Variants in CHD3 observed in about 807,000 individuals in gnomAD.
CHD3 encodes chromodomain helicase DNA binding protein 3.
A neutral mutation model predicts 248.9 loss-of-function variants in CHD3; 52 were observed. That is an observed-to-expected ratio of 0.21 (90% confidence interval 0.17 to 0.26). The LOEUF (loss-of-function observed/expected upper bound fraction) is 0.26. Ranked by LOEUF, CHD3 falls within the 10% of genes least tolerant of loss-of-function variation. The probability of loss-of-function intolerance (pLI) is 1.00; values close to 1 mark genes in which losing one functional copy is unlikely to be tolerated. For missense variants in CHD3, 1,482 were observed against 2,605.8 expected (o/e 0.57, Z 9.39); for synonymous variants, 985 against 985.2 (o/e 1.00, Z 0.00).
rs752695969 is a variant in CHD3 at position 7,903,070 on chromosome 17, T to G, written c.3495+9T>G. The G allele has an allele frequency of 6.2e-7, 1 of 1,612,124 alleles. No individual in the cohort carries two copies. Among genetic ancestry groups the G allele is most frequent in the Non-Finnish European group, 8.5e-7 (1 of 1,178,476 alleles). On this transcript the variant is annotated intron_variant, in intron 22 of 39. Transcript: ENST00000330494. The surrounding 1 kb of genome is among the most constrained non-coding windows in gnomAD (Gnocchi z 6.8). ...CCCATAATGACATCCAGGTGGGAACTCGCATCCTAGAACCCCTGCACCATT... is the reference window on the plus strand; with the variant it reads ...CCCATAATGACATCCAGGTGGGAACGCGCATCCTAGAACCCCTGCACCATT...
At chr17:7,898,635 T>C in intron 13 of CHD3, 40 bp downstream of exon 13, 1 of 1,518,694 alleles carries the variant, frequency 6.6e-7, no homozygotes, top group East Asian at 2.3e-5. Context: ...TCTGGAGTGA[T>C]GGTGATCGAA....
chr17:7,902,559 A>G (rs1387614041), intron 20 of CHD3, 51 bp from the exon 21 acceptor site: 1 of 1,221,408 alleles, frequency 8.2e-7, no homozygotes, highest in Admixed American at 1.7e-5. Context: ...AGAATAAGCA[A>G]GCATCCCACC....
At chr17:7,891,086 C>T in intron 4 of CHD3, 22 bp downstream of exon 4, 1 of 1,611,626 alleles carries the variant, frequency 6.2e-7, no homozygotes, top group South Asian at 1.1e-5. Context: ...CTGGGGAATC[C>T]TCGCTAATTG....
Position 7,903,225 on chromosome 17 carries a change from C to T in CHD3, c.3496-47C>T, listed in dbSNP as rs1970522972. The T allele has an allele frequency of 1.9e-6, 3 of 1,596,616 alleles. No homozygotes were observed. The highest frequency in any genetic ancestry group is 4.5e-5 in the East Asian group (2 of 44,672). ...GAGGCAGCTCTATGGGCAGCTTCTC[C>T]CCGGCCACTCCCCTGACCCACCCGC... is the stretch of plus-strand genomic sequence containing the variant. On this transcript the variant is annotated intron_variant, in intron 22 of 39. Transcript: ENST00000330494. The surrounding 1 kb of genome is among the most constrained non-coding windows in gnomAD (Gnocchi z 6.8).
chr17:7,905,204 G>A lies in CHD3; in HGVS notation c.4138+39G>A, dbSNP rs766638046. 36 of 1,589,910 alleles carry A rather than the reference G, an allele frequency of 2.3e-5. No individual in the cohort carries two copies. Among genetic ancestry groups the A allele is most frequent in the East Asian group, 1.8e-4 (8 of 44,778 alleles). On this transcript the variant is annotated intron_variant, in intron 26 of 39. Transcript: ENST00000330494. The surrounding 1 kb of genome is among the most constrained non-coding windows in gnomAD (Gnocchi z 5.8). Reference sequence around the variant, plus strand: ...TCCTGACTCTACCTCACCTCTTCCCGTTTTATTTTCCAGTTTGCTTTAAGC... The same window carrying A: ...TCCTGACTCTACCTCACCTCTTCCCATTTTATTTTCCAGTTTGCTTTAAGC...
chr17:7,895,595 T>C lies in CHD3; in HGVS notation c.1707+53T>C, dbSNP rs571634335. On this transcript the variant is annotated intron_variant, in intron 10 of 39. Transcript: ENST00000330494. This position sits in a 1 kb window ranked among gnomAD's most constrained non-coding sequence, Gnocchi z 4.9. ...CCCATGACCTCATTTCCTGCCATCC[T>C]CTCCCTCTCTTACTCCTCTGTTTGT... is the stretch of plus-strand genomic sequence containing the variant. The C allele has an allele frequency of 1.3e-5, 19 of 1,475,536 alleles. No homozygotes were observed. In the East Asian group the frequency reaches 1.4e-4, roughly 11 times the overall value. 91.4% of individuals were successfully genotyped at this position (1,475,536 alleles called of 1,614,324 possible). A position where few individuals can be genotyped will look rare whatever the true frequency, so the allele number is the denominator to read the frequency against.
chr17:7,902,604 C>A lies in CHD3; in HGVS notation c.3253-6C>A. 6.3e-7 allele frequency: 1 copy of A among 1,598,322 alleles called. No homozygotes were observed. On this transcript the variant is annotated splice_polypyrimidine_tract_variant and splice_region_variant and intron_variant, in intron 20 of 39. Coordinates refer to ENST00000330494, the MANE Select transcript of CHD3 (RefSeq NM_001005273.3). ...TTGCAGACTCCATCCTTTTCTCTTG[C>A]TCTAGATGACCAAAATGTTAGACTT... is the stretch of plus-strand genomic sequence containing the variant.
At position 7,889,224 on chromosome 17, in the gene CHD3, G is replaced by C. The variant is rs1018922294; in HGVS notation, c.100+124G>C. On this transcript the variant is annotated intron_variant, in intron 1 of 39. Coordinates refer to ENST00000330494, the MANE Select transcript of CHD3 (RefSeq NM_001005273.3). The surrounding 1 kb of genome is among the most constrained non-coding windows in gnomAD (Gnocchi z 4.5). ...CTCTCCCTCCCCAGCATCTGGCTTA[G>C]GGAGCTGCCAGCTTGTGTCTCCCCA... is the stretch of plus-strand genomic sequence containing the variant. The C allele has an allele frequency of 5.7e-6, 7 of 1,228,170 alleles. No homozygotes were observed. In the African/African-American group the frequency reaches 1.1e-4, roughly 18 times the overall value. 76.1% of individuals were successfully genotyped at this position (1,228,170 alleles called of 1,614,324 possible).
At chr17:7,902,849 A>G in intron 21 of CHD3, 88 bp from the exon 22 acceptor site, 5 of 1,586,162 alleles carry the variant, frequency 3.2e-6, no homozygotes, top group Non-Finnish European at 4.3e-6. Context: ...AGTTGGGGGC[A>G]TGGTTGTTTG....
Position 7,897,309 on chromosome 17 carries a change from C to T in CHD3, c.1919+15C>T. The T allele has an allele frequency of 6.2e-7, 1 of 1,608,912 alleles. No individual in the cohort carries two copies. Among genetic ancestry groups the T allele is most frequent in the Non-Finnish European group, 8.5e-7 (1 of 1,176,970 alleles). The stretch of plus-strand genomic sequence containing the variant: ...ATCAACCACAGGTGAATCCTCGGTC[C>T]CTGGGAAGTCAGACCTGGTATATGA... On this transcript the variant is annotated intron_variant, in intron 11 of 39. Coordinates refer to ENST00000330494, the MANE Select transcript of CHD3 (RefSeq NM_001005273.3). This position sits in a 1 kb window ranked among gnomAD's most constrained non-coding sequence, Gnocchi z 4.8.
upstream of CHD3, among the ~76,000 whole-genome samples, chr17:7,887,619 A>G (rs1968167705): frequency 6.6e-6 from 1 of 152,172 alleles, no homozygotes; most frequent in Admixed American, 6.5e-5. Context: ...GGAATTTGAG[A>G]AAAAATAAAT....
chr17:7,885,021 T>G (rs1308450695), upstream of CHD3: 3 of 1,203,110 alleles, frequency 2.5e-6, no homozygotes, highest in South Asian at 1.2e-4. Context: ...GGCTGCCACC[T>G]CTTCCCGCCG....
Position 7,888,993 on chromosome 17 carries a change from C to T in CHD3, c.-8C>T, listed in dbSNP as rs748896554. 42 of 1,614,008 alleles carry T rather than the reference C, an allele frequency of 2.6e-5. No homozygotes were observed. Among genetic ancestry groups the T allele is most frequent in the Non-Finnish European group, 1.7e-6 (2 of 1,180,016 alleles). On this transcript the variant is annotated 5_prime_UTR_variant, in exon 1 of 40. Transcript: ENST00000330494. ...ATTTAGGTAATTGTGGAGACTTTCT[C>T]CTGTGTGATGAAGGCGGCAGACACT...
chr17:7,906,223 G>A lies in CHD3; in HGVS notation c.4358+234G>A. On this transcript the variant is annotated intron_variant, in intron 28 of 39. Coordinates refer to ENST00000330494, the MANE Select transcript of CHD3 (RefSeq NM_001005273.3). This position sits in a 1 kb window ranked among gnomAD's most constrained non-coding sequence, Gnocchi z 5.0. ...TCCTCCCCAGGGGAGGGGCGTTGAA[G>A]CAAGGAGCCTCTCCTGGGCTGTCCT... 1.3e-6 allele frequency: 1 copy of A among 773,496 alleles called. No homozygotes were observed. The highest frequency in any genetic ancestry group is 2.3e-6 in the Non-Finnish European group (1 of 429,636). 47.9% of individuals were successfully genotyped at this position (773,496 alleles called of 1,614,324 possible). A position where few individuals can be genotyped will look rare whatever the true frequency, so the allele number is the denominator to read the frequency against.
At position 7,911,039 on chromosome 17, in the gene CHD3, A is replaced by G; in HGVS notation, c.5881+66A>G. On this transcript the variant is annotated intron_variant, in intron 39 of 39. Coordinates refer to ENST00000330494, the MANE Select transcript of CHD3 (RefSeq NM_001005273.3). The surrounding 1 kb of genome is among the most constrained non-coding windows in gnomAD (Gnocchi z 5.4). ...CCTTTGCCAAACTTTATTTCTGCTC[A>G]GCTGCCCTTTAACTGCTCTAGTCCA... 1.9e-6 allele frequency: 3 copies of G among 1,600,570 alleles called. No individual in the cohort carries two copies. In the South Asian group the frequency reaches 3.3e-5, roughly 18 times the overall value.
rs749680912 is a variant in CHD3 at position 7,894,949 on chromosome 17, GGAA to G, written c.1312_1314del (p.Glu438del). The G allele has an allele frequency of 1.3e-5, 21 of 1,612,942 alleles. No homozygotes were observed. The highest frequency in any genetic ancestry group is 3.3e-5 in the South Asian group (3 of 91,074). On this transcript the variant is annotated inframe_deletion, in exon 9 of 40. Transcript: ENST00000330494. Reference sequence around the variant, plus strand: ...AGGGGGTCCAGTGGGAGGCCAAGGAGGAAGAAGAAGAATACGAAGAGGAGGGAG... The same window carrying G: ...AGGGGGTCCAGTGGGAGGCCAAGGAGGAAGAAGAATACGAAGAGGAGGGAG...
Position 7,906,447 on chromosome 17 carries a change from G to A in CHD3, c.4359-106G>A. On this transcript the variant is annotated intron_variant, in intron 28 of 39. Transcript: ENST00000330494. This position sits in a 1 kb window ranked among gnomAD's most constrained non-coding sequence, Gnocchi z 5.0. ...CCAGGGGAGGAGCCCTGGAGCACCT[G>A]GGGATTTGGGGGTTTGGGGGTCCTC... is the stretch of plus-strand genomic sequence containing the variant. The A allele has an allele frequency of 1.7e-6, 2 of 1,199,188 alleles. No homozygotes were observed. Among genetic ancestry groups the A allele is most frequent in the East Asian group, 2.3e-5 (1 of 42,790 alleles). The allele number at this position is 1,199,188 out of a possible 1,614,324, so 74.3% of individuals were successfully genotyped here. A position where few individuals can be genotyped will look rare whatever the true frequency, so the allele number is the denominator to read the frequency against.
Position 7,895,298 on chromosome 17 carries a change from G to C in CHD3, c.1504-41G>C. On this transcript the variant is annotated intron_variant, in intron 9 of 39. Coordinates refer to ENST00000330494, the MANE Select transcript of CHD3 (RefSeq NM_001005273.3). This position sits in a 1 kb window ranked among gnomAD's most constrained non-coding sequence, Gnocchi z 4.9. ...TCTCATCTAACAATGGGTTCTTTCT[G>C]CCTCTTTCTTTCCTCCTCCTTGTAC... The C allele has an allele frequency of 6.2e-7, 1 of 1,607,562 alleles. No homozygotes were observed. Among genetic ancestry groups the C allele is most frequent in the African/African-American group, 1.3e-5 (1 of 74,818 alleles).
chr17:7,912,104 C>T lies in CHD3; in HGVS notation c.*519C>T, dbSNP rs530966984. Reference sequence around the variant, plus strand: ...ACGAGGAGGGGTGGCTGCATGTTACCGTCCCCTACCTCTCCCCACGTGGAG... The same window carrying T: ...ACGAGGAGGGGTGGCTGCATGTTACTGTCCCCTACCTCTCCCCACGTGGAG... On this transcript the variant is annotated 3_prime_UTR_variant, in exon 40 of 40. Transcript: ENST00000330494. The T allele has an allele frequency of 2.5e-4, 62 of 247,818 alleles. No homozygotes were observed. Among genetic ancestry groups the T allele is most frequent in the Middle Eastern group, 1.5e-3 (1 of 678 alleles). 15.4% of individuals were successfully genotyped at this position (247,818 alleles called of 1,614,324 possible).
Sources: allele counts gnomAD v4.1 joint callset (sites outside exome capture counted in the v4.1 genomes callset), GRCh38; gene constraint gnomAD v4.1.1; non-coding constraint Gnocchi (gnomAD v3.1); transcripts MANE v1.5; gene names NCBI Gene and HGNC (gene_info 2026-07-23, HGNC 2026-07-21).